The following SDK1 variants were observed in gnomAD, a reference collection of about 807,000 sequenced individuals.
SDK1 encodes the protein protein sidekick-1.
SDK1 carries 157 observed loss-of-function variants against 245.5 expected under a neutral mutation model. That is an observed-to-expected ratio of 0.64 (90% CI 0.56 to 0.73). The LOEUF is 0.73. SDK1 is among the 30% of genes least tolerant of loss of function. SDK1 has a pLI of 0.00. For missense variants in SDK1, 3,583 were observed against 3,002.3 expected (o/e 1.19, Z -4.52); for synonymous variants, 1,647 against 1,278.5 (o/e 1.29, Z -6.15).
intron 16 of SDK1, among the ~76,000 whole-genome samples, chr7:4,015,914 C>T (rs1371419667): frequency 3.3e-5 from 5 of 152,212 alleles, no homozygotes; most frequent in Non-Finnish European, 7.3e-5. Flanking sequence ...AGAATGCTCT[C>T]GGAAACTCCT....
chr7:4,057,679 C>T (rs1422824182), intron 19 of SDK1, among the ~76,000 whole-genome samples: 1 of 152,178 alleles, frequency 6.6e-6, no homozygotes, highest in South Asian at 2.1e-4. Context: ...CCCACTGCTG[C>T]CACCACTGGG....
intron 1 of SDK1, among the ~76,000 whole-genome samples, chr7:3,530,735 G>T (rs995119076): frequency 6.6e-6 from 1 of 152,170 alleles, no homozygotes. Context: ...GGCCAAGGTA[G>T]CTAAATGCAA....
At position 4,114,058 on chromosome 7, in the gene SDK1, A is replaced by T. The variant is rs774020588; in HGVS notation, c.3607A>T (p.Asn1203Tyr). 24 of 1,614,030 alleles carry T rather than the reference A, an allele frequency of 1.5e-5. No homozygotes were observed. The highest frequency in any genetic ancestry group is 2.0e-5 in the Non-Finnish European group (24 of 1,180,032). ...RWVPLPDSQY[N>Y]GNPESVGYRI... ...CTAGCCCCTGCCGGATTCTCAGTAC[A>T]ACGGGAACCCCGAGTCCGTGGGCTA... Residue 1203 changes from asparagine to tyrosine, a missense_variant, in exon 25 of 45, where the codon AAC (asparagine) becomes TAC (tyrosine). Transcript: ENST00000404826.
intron 1 of SDK1, among the ~76,000 whole-genome samples, chr7:3,532,764 A>G (rs1282616538): frequency 6.6e-6 from 1 of 152,166 alleles, no homozygotes; most frequent in East Asian, 1.9e-4. Flanking sequence ...CTGCATTCGA[A>G]GGGTGACTAA....
At chr7:4,231,905 G>T (rs576719593) in intron 40 of SDK1, among the ~76,000 whole-genome samples, 1 of 152,140 alleles carries the variant, frequency 6.6e-6, no homozygotes, top group Non-Finnish European at 1.5e-5. Context: ...TAGTCAGCAC[G>T]GGTACACACA....
intron 28 of SDK1, among the ~76,000 whole-genome samples, chr7:4,141,241 CAGA>C (rs1365351994): frequency 2.0e-5 from 3 of 152,230 alleles, no homozygotes. Flanking sequence ...CCTTGGAGGA[CAGA>C]AGAGTCAGGT....
In SDK1 at chr7:4,265,388, A is replaced by T; in HGVS notation, c.*4A>T. 2 of 1,428,324 alleles carry T rather than the reference A, an allele frequency of 1.4e-6. No homozygotes were observed. Among genetic ancestry groups the T allele is most frequent in the Non-Finnish European group, 9.1e-7 (1 of 1,102,026 alleles). The allele number at this position is 1,428,324 out of a possible 1,614,324, so 88.5% of individuals were successfully genotyped here. On this transcript the variant is annotated 3_prime_UTR_variant, in exon 45 of 45. Transcript: ENST00000404826. ...CGGCTTCTCCTCCTTCGTGTGAGCA[A>T]AGCGCCGCGCCTCCCTCAGGGCGGA...
At position 3,405,341 on chromosome 7, in the gene SDK1, C is replaced by G. The variant is rs1391009975; in HGVS notation, c.298+103457C>G. Among the ~76,000 whole-genome samples, 4 of 152,106 alleles carry G rather than the reference C, an allele frequency of 2.6e-5. 1 individual carries two copies. The highest frequency in any genetic ancestry group is 2.6e-4 in the Admixed American group (4 of 15,258). ...TTAGACCCAATGTGTCCAGAAGATT[C>G]AGAGCCTTATCACTGCACAAAGGAG... is the stretch of plus-strand genomic sequence containing the variant. On this transcript the variant is annotated intron_variant, in intron 1 of 44. Coordinates refer to ENST00000404826, the MANE Select transcript of SDK1 (RefSeq NM_152744.4).
At chr7:3,390,598 C>G (rs1391256262) in intron 1 of SDK1, among the ~76,000 whole-genome samples, 1 of 152,156 alleles carries the variant, frequency 6.6e-6, no homozygotes, top group African/African-American at 2.4e-5. Flanking sequence ...AATCCAATGA[C>G]TAGTATCCTT....
chr7:3,822,405 G>C (rs1487835765), intron 5 of SDK1, among the ~76,000 whole-genome samples: 1 of 152,134 alleles, frequency 6.6e-6, no homozygotes, highest in Non-Finnish European at 1.5e-5. Context: ...ATATTGATTT[G>C]TTTGTATAGT....
intron 5 of SDK1, among the ~76,000 whole-genome samples, chr7:3,913,606 C>T (rs1171799570): frequency 2.0e-5 from 3 of 151,980 alleles, no homozygotes; most frequent in African/African-American, 7.2e-5. Context: ...TTACACTTAT[C>T]TTTATTCCCC....
At chr7:3,491,955 A>G (rs781016069) in intron 1 of SDK1, among the ~76,000 whole-genome samples, 6 of 152,236 alleles carry the variant, frequency 3.9e-5, no homozygotes, top group Non-Finnish European at 8.8e-5. Flanking sequence ...ACAGGTGTTC[A>G]TATAAAACAT....
chr7:3,906,215 C>T (rs1013797897), intron 5 of SDK1, among the ~76,000 whole-genome samples: 1 of 152,144 alleles, frequency 6.6e-6, no homozygotes, highest in Admixed American at 6.5e-5. Flanking sequence ...TGCTACTCTT[C>T]AAATCCACCT....
intron 4 of SDK1, among the ~76,000 whole-genome samples, chr7:3,782,937 C>CAGTG (rs1780789917): frequency 1.3e-5 from 2 of 152,182 alleles, no homozygotes; most frequent in South Asian, 4.1e-4. Context: ...AGTTAAAGGT[C>CAGTG]AGTGTTCTTG....
chr7:3,324,460 A>G (rs1779893434), intron 1 of SDK1, among the ~76,000 whole-genome samples: 1 of 152,152 alleles, frequency 6.6e-6, no homozygotes, highest in South Asian at 2.1e-4. Context: ...GTCGTTACAA[A>G]AAGCCGATGT....
intron 4 of SDK1, among the ~76,000 whole-genome samples, chr7:3,700,719 A>G (rs575976635): frequency 6.6e-6 from 1 of 152,266 alleles, no homozygotes. Flanking sequence ...TAGTAAGTGT[A>G]AATGGTTTAA....
intron 1 of SDK1, among the ~76,000 whole-genome samples, chr7:3,392,196 A>G (rs543192450): frequency 2.0e-5 from 3 of 152,138 alleles, no homozygotes; most frequent in South Asian, 4.1e-4. Context: ...TTACAGAAGT[A>G]AAGAGAAAAG....
At chr7:3,367,206 A>G (rs1781115869) in intron 1 of SDK1, among the ~76,000 whole-genome samples, 1 of 151,396 alleles carries the variant, frequency 6.6e-6, no homozygotes, top group South Asian at 2.1e-4. Context: ...AGTTTTAAAG[A>G]ATGTATCTTT....
chr7:4,074,856 T>TACTTTCTCTCTCTC lies in SDK1; in HGVS notation c.3011-2142_3011-2141insACTTTCTCTCTCTC, dbSNP rs1486926440. On this transcript the variant is annotated intron_variant, in intron 20 of 44. Coordinates refer to ENST00000404826, the MANE Select transcript of SDK1 (RefSeq NM_152744.4). ...CCAGCCTGGGCAACAGAGCAAGACTTTCTCTCTCTCTCTCTCTCTCTCTCT... is the reference window on the plus strand; with the variant it reads ...CCAGCCTGGGCAACAGAGCAAGACTTACTTTCTCTCTCTCTCTCTCTCTCTCTCTCTCTCTCTCT... Among the ~76,000 whole-genome samples the TACTTTCTCTCTCTC allele has an allele frequency of 3.8e-3, 270 of 70,776 alleles. 5 individuals are homozygous for TACTTTCTCTCTCTC. Among genetic ancestry groups the TACTTTCTCTCTCTC allele is most frequent in the Middle Eastern group, 8.3e-3 (1 of 120 alleles). The allele number at this position is 70,776 out of a possible 152,430, so 46.4% of individuals were successfully genotyped here.
Sources: allele counts gnomAD v4.1 joint callset (sites outside exome capture counted in the v4.1 genomes callset), GRCh38; gene constraint gnomAD v4.1.1; transcripts MANE v1.5; gene names NCBI Gene and HGNC (gene_info 2026-07-23, HGNC 2026-07-21).